Variants in SIRT2 observed in about 807,000 individuals in gnomAD.
SIRT2 encodes sirtuin 2, also known as NAD-dependent protein deacetylase sirtuin-2.
A neutral mutation model predicts 57.4 loss-of-function variants in SIRT2; 40 were observed. The observed-to-expected ratio is 0.70, with a 90% confidence interval of 0.54 to 0.91. SIRT2 has a LOEUF of 0.91. Ranked by LOEUF, SIRT2 falls within the 40% of genes least tolerant of loss-of-function variation. SIRT2 has a pLI of 0.00. For missense variants in SIRT2, 439 were observed against 510.4 expected, an observed-to-expected ratio of 0.86 and a Z score of 1.35; for synonymous variants, 161 against 195.7, an observed-to-expected ratio of 0.82 and a Z score of 1.48.
rs769948472 is a variant in SIRT2, at chr19:38,880,801, A to C, written c.824+20T>G. Reference sequence around the variant, plus strand: ...GCCCTGGGTGCCCAGCCGTCCTCCCAGCCACAGCCCCCAACCTACTTGCTG... The same window carrying C: ...GCCCTGGGTGCCCAGCCGTCCTCCCCGCCACAGCCCCCAACCTACTTGCTG... On this transcript the variant is annotated intron_variant, in intron 12 of 15. Coordinates refer to ENST00000249396, the MANE Select transcript of SIRT2 (RefSeq NM_012237.4). This position sits in a 1 kb window ranked among gnomAD's most constrained non-coding sequence, Gnocchi z 4.1. 6.2e-7 allele frequency: 1 copy of C among 1,613,486 alleles called. No individual in the cohort carries two copies. Among genetic ancestry groups the C allele is most frequent in the African/African-American group, 1.3e-5 (1 of 74,904 alleles).
At chr19:38,881,924 G>GTGATCCACC (rs1973167371) in intron 9 of SIRT2, among the ~76,000 whole-genome samples, 1 of 151,986 alleles carries the variant, frequency 6.6e-6, no homozygotes, top group African/African-American at 2.4e-5. Context: ...CTGGGCTCAA[G>GTGATCCACC]CAAATCTGCC....
Position 38,879,689 on chromosome 19 carries a change from A to C in SIRT2, c.890T>G (p.Leu297Arg), listed in dbSNP as rs1442846231. 1 of 1,570,678 alleles carries C rather than the reference A, an allele frequency of 6.4e-7. No individual in the cohort carries two copies. The highest frequency in any genetic ancestry group is 8.6e-7 in the Non-Finnish European group (1 of 1,157,472). Residue 297 changes from leucine to arginine, a missense_variant, in exon 14 of 16, where the codon CTG becomes CGG. Coordinates refer to ENST00000249396, the MANE Select transcript of SIRT2 (RefSeq NM_012237.4). The part of the protein sequence containing the change: ...KEKAGQSDPF[L>R]GMIMGLGGGM... ...TCCTCCGAGGCCCATAATCATCCCC[A>C]GGAAAGGGTCCGACTGTCAGGGAGG...
In SIRT2 at chr19:38,880,690, C is replaced by T; in HGVS notation, c.871G>A (p.Gly291Ser). The change falls in exon 13 of 16, where the codon GGC (glycine) becomes AGC (serine). Residue 291 changes from glycine (G) to serine (S), a missense_variant. By Grantham distance (56) the Gly-to-Ser change is moderately conservative. Transcript: ENST00000249396. The surrounding 1 kb of genome is among the most constrained non-coding windows in gnomAD (Gnocchi z 4.1). ...PRLLINKEKA[G>S]QSDPFLGMIM... ...GCTTGAAGAAGGGCTCTTACCTGGC[C>T]AGCTTTCTCCTTGTTGATGAGCAGG... 7 of 1,567,378 alleles carry T rather than the reference C, an allele frequency of 4.5e-6. No homozygotes were observed. Among genetic ancestry groups the T allele is most frequent in the Non-Finnish European group, 6.1e-6 (7 of 1,154,190 alleles).
chr19:38,891,528 A>G (rs1038073629), intron 4 of SIRT2, among the ~76,000 whole-genome samples: 3 of 151,916 alleles, frequency 2.0e-5, no homozygotes, highest in African/African-American at 4.8e-5. Flanking sequence ...CAGCCTGGGT[A>G]ACAGAGTGAG....
At position 38,880,365 on chromosome 19, in the gene SIRT2, G is replaced by C. The variant is rs1324258353; in HGVS notation, c.876+320C>G. ...GAGGCTGCCCAGGAAAAACAGACCT[G>C]AGAGACCCAGAGCGTGGACCCAACC... On this transcript the variant is annotated intron_variant, in intron 13 of 15. Transcript: ENST00000249396. This position sits in a 1 kb window ranked among gnomAD's most constrained non-coding sequence, Gnocchi z 4.1. 2 of 319,246 alleles carry C rather than the reference G, an allele frequency of 6.3e-6. No homozygotes were observed. Among genetic ancestry groups the C allele is most frequent in the Non-Finnish European group, 1.1e-5 (2 of 175,292 alleles). The allele number at this position is 319,246 out of a possible 1,614,324, so 19.8% of individuals were successfully genotyped here.
chr19:38,890,777 AC>A (rs35797157), intron 4 of SIRT2: 1 of 155,288 alleles, frequency 6.4e-6, no homozygotes, highest in East Asian at 1.9e-4. Context: ...TAGGATAAGA[AC>A]CCTGGGCTGA....
intron 3 of SIRT2, 30 bp downstream of exon 3, chr19:38,893,789 T>C: frequency 1.3e-6 from 2 of 1,572,598 alleles, no homozygotes; most frequent in Non-Finnish European, 1.7e-6. Flanking sequence ...CCCAGAACCC[T>C]GCTCCCTGTC....
rs2144666385 is a variant in SIRT2, at chr19:38,880,547, C to G, written c.876+138G>C. 1 of 641,344 alleles carries G rather than the reference C, an allele frequency of 1.6e-6. No homozygotes were observed. Among genetic ancestry groups the G allele is most frequent in the East Asian group, 2.6e-5 (1 of 38,580 alleles). The allele number at this position is 641,344 out of a possible 1,614,324, so 39.7% of individuals were successfully genotyped here. ...TGTCCCAGAGGCCTGGAACCCGACC[C>G]CTCTGGATTCTAGAGCCCCAGGTTC... is the stretch of plus-strand genomic sequence containing the variant. On this transcript the variant is annotated intron_variant, in intron 13 of 15. Coordinates refer to ENST00000249396, the MANE Select transcript of SIRT2 (RefSeq NM_012237.4). This position sits in a 1 kb window ranked among gnomAD's most constrained non-coding sequence, Gnocchi z 4.1.
chr19:38,879,613 A>AC lies in SIRT2; in HGVS notation c.947+18dup, dbSNP rs1169272867. 6.4e-7 allele frequency: 1 copy of AC among 1,561,980 alleles called. No homozygotes were observed. Among genetic ancestry groups the AC allele is most frequent in the Non-Finnish European group, 8.7e-7 (1 of 1,152,826 alleles). On this transcript the variant is annotated intron_variant, in intron 14 of 15. Transcript: ENST00000249396. ...ACCCTGTCCCTTCCAGGCTGCCCCA[A>AC]CCCCCGGCGGGGCCTCACCTGTAGG...
At position 38,896,530 on chromosome 19, in the gene SIRT2, G is replaced by A. The variant is rs78429884; in HGVS notation, c.63+1849C>T. ...GCCCGGCCTCACCTCGTTTTTCAGA[G>A]CAGCTACATAGTATTGGATTGTATG... On this transcript the variant is annotated intron_variant, in intron 2 of 15. Transcript: ENST00000249396. Among the ~76,000 whole-genome samples the A allele has an allele frequency of 1.6e-3, 251 of 152,256 alleles. 1 individual carries two copies. The highest frequency in any genetic ancestry group is 8.7e-3 in the South Asian group (42 of 4,820).
rs750920243 is a variant in SIRT2 at position 38,889,961 on chromosome 19, G to A, written c.269C>T (p.Ser90Phe). The change falls in exon 6 of 16, where the codon TCC becomes TTC. Residue 90 changes from serine to phenylalanine, a missense_variant and splice_region_variant. Transcript: ENST00000249396. ...ICLVGAGISTSAGIPDFRSPS... is the reference protein window; with the variant it reads ...ICLVGAGISTFAGIPDFRSPS... ...AGAGCGAAAGTCGGGGATGCCTGCG[G>A]CTAGGAAAGGGGGGTCAGGGAGCAG... is the stretch of plus-strand genomic sequence containing the variant. 17 of 1,614,040 alleles carry A rather than the reference G, an allele frequency of 1.1e-5. No homozygotes were observed. The highest frequency in any genetic ancestry group is 1.4e-5 in the Non-Finnish European group (17 of 1,179,876).
chr19:38,894,109 T>G, intron 2 of SIRT2: 1 of 703,006 alleles, frequency 1.4e-6, no homozygotes, highest in East Asian at 3.1e-5. Context: ...TTTGCTTTTC[T>G]TTTTTGAGAC....
In SIRT2 at chr19:38,879,987, G is replaced by A. The variant is rs146882847; in HGVS notation, c.877-285C>T. 1.2e-3 allele frequency: 509 copies of A among 407,642 alleles called. 3 individuals carry two copies. Among genetic ancestry groups the A allele is most frequent in the African/African-American group, 9.4e-3 (469 of 49,668 alleles). The allele number at this position is 407,642 out of a possible 1,614,324, so 25.3% of individuals were successfully genotyped here. A position where few individuals can be genotyped will look rare whatever the true frequency, so the allele number is the denominator to read the frequency against. On this transcript the variant is annotated intron_variant, in intron 13 of 15. Transcript: ENST00000249396. ...ATGACAGGTGCCCAGCACCATGCCC[G>A]GCTAATTTTGTATTATTAGTAGAGA...
Position 38,893,458 on chromosome 19 carries a change from T to A in SIRT2, c.182A>T (p.Glu61Val), listed in dbSNP as rs1973610463. The change falls in exon 4 of 16, where the codon GAG (glutamate) becomes GTG (valine). Residue 61 changes from glutamate (E) to valine (V), a missense_variant. Glu to Val is a moderately radical substitution (Grantham distance 121, BLOSUM62 -2). Coordinates refer to ENST00000249396, the MANE Select transcript of SIRT2 (RefSeq NM_012237.4). ...CCGGGCCACCCCTTCCAAGGTCAGC[T>A]CGTCCAGCAGACGCTCCTTCTGGCT... ...LGSQKERLLD[E>V]LTLEGVARYM... The A allele has an allele frequency of 6.2e-7, 1 of 1,614,046 alleles. No homozygotes were observed. Among genetic ancestry groups the A allele is most frequent in the Non-Finnish European group, 8.5e-7 (1 of 1,179,986 alleles).
At chr19:38,879,825 GT>G in intron 13 of SIRT2, 123 bp from the exon 14 acceptor site, 3 of 694,282 alleles carry the variant, frequency 4.3e-6, no homozygotes, top group Non-Finnish European at 4.8e-6. Flanking sequence ...TTTTGTTGTT[GT>G]TTTTTTGGTT....
Position 38,880,251 on chromosome 19 carries a change from G to C in SIRT2, c.876+434C>G, listed in dbSNP as rs952204329. On this transcript the variant is annotated intron_variant, in intron 13 of 15. Transcript: ENST00000249396. This position sits in a 1 kb window ranked among gnomAD's most constrained non-coding sequence, Gnocchi z 4.1. Reference sequence around the variant, plus strand: ...TTCACGCAGGCTAAGACTTGGGACAGTGTCTGCCCACAGCGTGCGCTGCTT... The same window carrying C: ...TTCACGCAGGCTAAGACTTGGGACACTGTCTGCCCACAGCGTGCGCTGCTT... 5.1e-6 allele frequency: 1 copy of C among 194,974 alleles called. No individual in the cohort carries two copies. Among genetic ancestry groups the C allele is most frequent in the Non-Finnish European group, 1.0e-5 (1 of 95,414 alleles). The allele number at this position is 194,974 out of a possible 1,614,324, so 12.1% of individuals were successfully genotyped here. A position where few individuals can be genotyped will look rare whatever the true frequency, so the allele number is the denominator to read the frequency against.
intron 2 of SIRT2, among the ~76,000 whole-genome samples, chr19:38,897,508 A>G (rs1273977737): frequency 6.8e-6 from 1 of 146,900 alleles, no homozygotes; most frequent in Non-Finnish European, 1.5e-5. Flanking sequence ...CAGTACCCTG[A>G]GTTTCTTTAC....
Position 38,881,080 on chromosome 19 carries a change from G to A in SIRT2, c.747+20C>T, listed in dbSNP as rs774573551. ...TGGAGGCGGCGGTTGGGGATGCGGG[G>A]AGGCTGGGGGGCCACTTACTGACTG... is the stretch of plus-strand genomic sequence containing the variant. On this transcript the variant is annotated intron_variant, in intron 11 of 15. Transcript: ENST00000249396. The A allele has an allele frequency of 6.2e-7, 1 of 1,612,030 alleles. No individual in the cohort carries two copies. The highest frequency in any genetic ancestry group is 1.3e-5 in the African/African-American group (1 of 75,040).
intron 2 of SIRT2, among the ~76,000 whole-genome samples, chr19:38,897,071 G>T (rs755292540): frequency 1.3e-5 from 2 of 152,178 alleles, no homozygotes; most frequent in Non-Finnish European, 2.9e-5. Flanking sequence ...CTGTAGCCGA[G>T]GGACGGGGGA....
Sources: gnomAD v4.1 joint callset for allele counts (sites outside exome capture counted in the v4.1 genomes callset) on GRCh38, gnomAD v4.1.1 for gene constraint, Gnocchi (gnomAD v3.1) non-coding constraint, MANE v1.5 for transcripts, NCBI Gene and HGNC (gene_info 2026-07-23, HGNC 2026-07-21) for gene names.